ABHD3: variants seen among roughly 807,000 people sequenced by gnomAD.
ABHD3 encodes the protein abhydrolase domain containing 3, phospholipase, also known as phospholipase ABHD3.
In ABHD3, 46 loss-of-function variants were observed where a neutral mutation model predicts 48.8. The observed-to-expected ratio is 0.94, with a 90% CI of 0.74 to 1.20. The LOEUF is 1.20. Ranked by LOEUF, ABHD3 falls within the 50% of genes most tolerant of loss-of-function variation. The probability of loss-of-function intolerance (pLI) is 0.00; values close to 1 mark genes in which losing one functional copy is unlikely to be tolerated. For missense variants in ABHD3, 490 were observed against 497.8 expected (o/e 0.98, Z 0.15); for synonymous variants, 192 against 183.7 (o/e 1.04, Z -0.36).
chr18:21,662,731 G>A (rs1051001368), intron 5 of ABHD3, among the ~76,000 whole-genome samples: 1 of 152,178 alleles, frequency 6.6e-6, no homozygotes, highest in African/African-American at 2.4e-5. Context: ...GGGTGCTTCC[G>A]TCTAACAGTT....
At chr18:21,662,387 G>C (rs1227274404) in intron 5 of ABHD3, 2 of 152,248 alleles carry the variant, frequency 1.3e-5, no homozygotes, top group African/African-American at 4.8e-5. Flanking sequence ...GATTACAGGC[G>C]TAAGTCACCA....
chr18:21,657,925 G>A (rs1305466710), intron 6 of ABHD3, among the ~76,000 whole-genome samples: 4 of 151,880 alleles, frequency 2.6e-5, no homozygotes, highest in South Asian at 2.1e-4. Flanking sequence ...TCTGCTGGGC[G>A]GGGGGCTCAC....
chr18:21,691,785 T>C (rs1230560715), intron 3 of ABHD3, among the ~76,000 whole-genome samples: 4 of 152,202 alleles, frequency 2.6e-5, no homozygotes, highest in Admixed American at 2.6e-4. Context: ...GTATGCATTA[T>C]CATATTAAGC....
At chr18:21,700,947 G>A (rs1434948620) in intron 3 of ABHD3, among the ~76,000 whole-genome samples, 1 of 103,222 alleles carries the variant, frequency 9.7e-6, no homozygotes, top group African/African-American at 4.7e-5. Flanking sequence ...AGCCAGATTT[G>A]GCCTCAAAAA....
At chr18:21,703,113 C>T (rs1056066902) in intron 2 of ABHD3, among the ~76,000 whole-genome samples, 1 of 151,812 alleles carries the variant, frequency 6.6e-6, no homozygotes, top group African/African-American at 2.4e-5. Flanking sequence ...ATCTTTAACA[C>T]ATCAAGAGCT....
In ABHD3 at chr18:21,702,885, T is replaced by C. The variant is rs113329927; in HGVS notation, c.327-387A>G. Among the ~76,000 whole-genome samples, 264 of 152,336 alleles carry C rather than the reference T, an allele frequency of 1.7e-3. 2 individuals carry two copies. The highest frequency in any genetic ancestry group is 6.1e-3 in the African/African-American group (252 of 41,580). On this transcript the variant is annotated intron_variant, in intron 2 of 8. Coordinates refer to ENST00000289119, the MANE Select transcript of ABHD3 (RefSeq NM_138340.5). ...AATCTCTGACCACTGCTCTAGCTCT[T>C]TGGACTCAATAATGCAGTCTCCTTG...
At chr18:21,673,579 C>T in intron 4 of ABHD3, 1 of 152,270 alleles carries the variant, frequency 6.6e-6, no homozygotes, top group Non-Finnish European at 1.5e-5. Context: ...CAGGCGTGAG[C>T]CACCGCGCCC....
At position 21,651,388 on chromosome 18, in the gene ABHD3, G is replaced by GT. The variant is rs2039217162; in HGVS notation, c.*202dup. 2 of 439,858 alleles carry GT rather than the reference G, an allele frequency of 4.5e-6. No individual in the cohort carries two copies. The highest frequency in any genetic ancestry group is 8.0e-5 in the Admixed American group (2 of 24,946). The allele number at this position is 439,858 out of a possible 1,614,324, so 27.2% of individuals were successfully genotyped here. A position where few individuals can be genotyped will look rare whatever the true frequency, so the allele number is the denominator to read the frequency against. Reference sequence around the variant, plus strand: ...AAGGCATAGTAAAAATAAAATCTACGTAAGTAACAATCTAATACTATATTT... The same window carrying GT: ...AAGGCATAGTAAAAATAAAATCTACGTTAAGTAACAATCTAATACTATATTT... On this transcript the variant is annotated 3_prime_UTR_variant, in exon 9 of 9. Coordinates refer to ENST00000289119, the MANE Select transcript of ABHD3 (RefSeq NM_138340.5).
intron 3 of ABHD3, among the ~76,000 whole-genome samples, chr18:21,689,496 C>T (rs1167382821): frequency 7.7e-6 from 1 of 129,224 alleles, no homozygotes; most frequent in Non-Finnish European, 1.5e-5. Flanking sequence ...TTGCAGTGAG[C>T]CAAGATCACA....
chr18:21,703,743 G>A lies in ABHD3; in HGVS notation c.167C>T (p.Pro56Leu). ...ACTCTCACCCCCGGTCACTAACTGG[G>A]GTTTCTGAAGGGAAAAGCAGTATCA... ...FYYLSSIAKK[P>L]QLVTGGESFS... The change falls in exon 2 of 9, where the codon CCC becomes CTC. Residue 56 changes from proline (P) to leucine (L), a missense_variant. Coordinates refer to ENST00000289119, the MANE Select transcript of ABHD3 (RefSeq NM_138340.5). The A allele has an allele frequency of 6.2e-7, 1 of 1,613,116 alleles. No individual in the cohort carries two copies. Among genetic ancestry groups the A allele is most frequent in the Non-Finnish European group, 8.5e-7 (1 of 1,179,390 alleles).
At chr18:21,682,659 T>C (rs890474716) in intron 4 of ABHD3, 8 of 152,216 alleles carry the variant, frequency 5.3e-5, no homozygotes, top group African/African-American at 1.9e-4. Flanking sequence ...TGAACAGATC[T>C]TTGTCCCTCA....
chr18:21,683,448 GA>G (rs1359439874), intron 4 of ABHD3: 21 of 400,298 alleles, frequency 5.2e-5, no homozygotes, highest in East Asian at 1.7e-4. Flanking sequence ...TTCATAAGTG[GA>G]AAAAAAATCA....
At chr18:21,682,831 C>T (rs1181496317) in intron 4 of ABHD3, 1 of 152,242 alleles carries the variant, frequency 6.6e-6, no homozygotes, top group African/African-American at 2.4e-5. Context: ...ACATTCAAAT[C>T]TTTCCCTTTA....
chr18:21,656,869 G>A lies in ABHD3; in HGVS notation c.1049C>T (p.Pro350Leu). The stretch of plus-strand genomic sequence containing the variant: ...AAATATGTTAATTTTACCATGACTG[G>A]GTGAGAAAACATCATCCACAGAATT... ...CLNSVDDVFS[P>L]SHAIPIETAK... is the part of the protein sequence containing the mutation. Residue 350 changes from proline to leucine, a missense_variant, in exon 8 of 9, where the codon CCC becomes CTC. Physicochemically the swap from Pro to Leu is moderately conservative, Grantham distance 98 (BLOSUM62 -3). Transcript: ENST00000289119. 1 of 1,594,770 alleles carries A rather than the reference G, an allele frequency of 6.3e-7. No individual in the cohort carries two copies. Among genetic ancestry groups the A allele is most frequent in the Non-Finnish European group, 8.6e-7 (1 of 1,167,396 alleles).
chr18:21,685,944 T>G (rs2040120460), intron 3 of ABHD3, among the ~76,000 whole-genome samples: 1 of 152,252 alleles, frequency 6.6e-6, no homozygotes, highest in South Asian at 2.1e-4. Context: ...GTGGTCTGTC[T>G]GCCTCGGCCT....
chr18:21,681,890 A>G (rs547583257), intron 4 of ABHD3, among the ~76,000 whole-genome samples: 1 of 152,234 alleles, frequency 6.6e-6, no homozygotes, highest in South Asian at 2.1e-4. Flanking sequence ...GAATCTCAGC[A>G]CTTTGGGAGC....
chr18:21,659,819 T>C (rs2039445249), intron 5 of ABHD3, among the ~76,000 whole-genome samples: 1 of 152,086 alleles, frequency 6.6e-6, no homozygotes, highest in Non-Finnish European at 1.5e-5. Flanking sequence ...CAGGCATGCA[T>C]CACCACGCCC....
At chr18:21,672,358 T>C (rs1323409988) in intron 4 of ABHD3, among the ~76,000 whole-genome samples, 1 of 152,184 alleles carries the variant, frequency 6.6e-6, no homozygotes, top group East Asian at 1.9e-4. Context: ...GCACTTCCAA[T>C]GCTGAACTAA....
chr18:21,700,827 C>CAAAAAAAAAAAAAAAAAAAAAAAAAAA (rs375239917), intron 3 of ABHD3, among the ~76,000 whole-genome samples: 2 of 94,378 alleles, frequency 2.1e-5, no homozygotes, highest in African/African-American at 7.0e-5. Context: ...AAGTTTTAGC[C>CAAAAAAAAAAAAAAAAAAAAAAAAAAA]AAAAAAAAAA....
Sources: allele counts gnomAD v4.1 joint callset (sites outside exome capture counted in the v4.1 genomes callset), GRCh38; gene constraint gnomAD v4.1.1; transcripts MANE v1.5; gene names NCBI Gene and HGNC (gene_info 2026-07-23, HGNC 2026-07-21).